Variants in LPGAT1 observed in about 807,000 individuals in gnomAD.
LPGAT1 encodes lysophosphatidylglycerol acyltransferase 1.
Under a neutral mutation model 47.5 loss-of-function variants are expected in LPGAT1, and 11 were observed. The observed-to-expected ratio is 0.23, with a 90% CI of 0.15 to 0.38. The LOEUF (loss-of-function observed/expected upper bound fraction) is 0.38. Among genes scored for constraint, LPGAT1 ranks in the 10% least tolerant of loss-of-function variants. The probability of loss-of-function intolerance (pLI) is 1.00; values close to 1 mark genes in which losing one functional copy is unlikely to be tolerated. For synonymous variants in LPGAT1, 138 were observed against 144.2 expected (o/e 0.96, Z 0.31); for missense variants, 293 against 439.0 (o/e 0.67, Z 2.97).
rs1187263645 is a variant in LPGAT1, at chr1:211,827,943, AG to A, written c.238+1115del. Among the ~76,000 whole-genome samples the A allele has an allele frequency of 3.0e-4, 45 of 152,360 alleles. 1 individual carries two copies. Among genetic ancestry groups the A allele is most frequent in the Admixed American group, 2.9e-3 (45 of 15,312 alleles). On this transcript the variant is annotated intron_variant, in intron 2 of 7. Coordinates refer to ENST00000366997, the MANE Select transcript of LPGAT1 (RefSeq NM_014873.3). ...GAAAAGGCTTCATCTGGGGCAACTG[AG>A]AATACTCAGACATAGCAAGGGTCTG... is the stretch of plus-strand genomic sequence containing the variant.
chr1:211,829,541 G>C (rs989680012), intron 1 of LPGAT1: 5 of 1,396,240 alleles, frequency 3.6e-6, no homozygotes, highest in Non-Finnish European at 3.7e-6. Flanking sequence ...ACCGAGGCAC[G>C]AAGTATGTCA....
In LPGAT1 at chr1:211,791,774, CA is replaced by C. The variant is rs78791498; in HGVS notation, c.357+1297del. Among the ~76,000 whole-genome samples the C allele has an allele frequency of 5.3e-3, 649 of 121,728 alleles. 11 individuals are homozygous for C. The highest frequency in any genetic ancestry group is 0.015 in the African/African-American group (522 of 34,862). The allele number at this position is 121,728 out of a possible 152,430, so 79.9% of individuals were successfully genotyped here. ...AAAAAAAAAAAAAAAAACAAACAAA[CA>C]AAAAAAAAAAACAAAAAAAAACATT... On this transcript the variant is annotated intron_variant, in intron 3 of 7. Transcript: ENST00000366997.
At chr1:211,812,698 A>G (rs1403810119) in intron 2 of LPGAT1, among the ~76,000 whole-genome samples, 1 of 152,220 alleles carries the variant, frequency 6.6e-6, no homozygotes, top group African/African-American at 2.4e-5. Context: ...TGAACCTTAA[A>G]TCCAACGACT....
intron 3 of LPGAT1, among the ~76,000 whole-genome samples, chr1:211,790,531 G>T (rs1423978444): frequency 2.6e-5 from 4 of 152,080 alleles, no homozygotes; most frequent in African/African-American, 9.7e-5. Flanking sequence ...AGGCAGCAGG[G>T]AAAGATTATA....
Position 211,807,248 on chromosome 1 carries a change from G to A in LPGAT1, c.239-14058C>T, listed in dbSNP as rs1002263847. On this transcript the variant is annotated intron_variant, in intron 2 of 7. Coordinates refer to ENST00000366997, the MANE Select transcript of LPGAT1 (RefSeq NM_014873.3). ...ATCTATATACTCAAAACTACCAAAC[G>A]CTGAGAAAGAAATCAAAAAAGCTCA... Among the ~76,000 whole-genome samples the A allele has an allele frequency of 4.9e-4, 74 of 151,914 alleles. 1 individual carries two copies. The highest frequency in any genetic ancestry group is 1.6e-3 in the African/African-American group (68 of 41,344).
chr1:211,751,921 T>C (rs559469461), intron 6 of LPGAT1, among the ~76,000 whole-genome samples: 4 of 152,300 alleles, frequency 2.6e-5, no homozygotes, highest in African/African-American at 9.6e-5. Context: ...TTTATCACCA[T>C]GTTTCTTCTG....
chr1:211,750,015 C>T lies in LPGAT1; in HGVS notation c.997G>A (p.Val333Ile). ...FPPSKGHKEA[V>I]SREMTLSNLW... ...TTGCTGAGGGTCATCTCCCTGGAAA[C>T]AGCTTCCTTATGGCCCTTGGAAGGT... The change falls in exon 8 of 8, where the codon GTT becomes ATT. Residue 333 changes from valine (V) to isoleucine (I), a missense_variant. Val to Ile is a conservative substitution (Grantham distance 29). Coordinates refer to ENST00000366997, the MANE Select transcript of LPGAT1 (RefSeq NM_014873.3). 6.2e-7 allele frequency: 1 copy of T among 1,614,098 alleles called. No individual in the cohort carries two copies. Among genetic ancestry groups the T allele is most frequent in the Non-Finnish European group, 8.5e-7 (1 of 1,179,982 alleles).
At chr1:211,761,449 G>GA (rs888950265) in intron 6 of LPGAT1, among the ~76,000 whole-genome samples, 50 of 151,358 alleles carry the variant, frequency 3.3e-4, no homozygotes, top group South Asian at 4.2e-4. Context: ...GGGATTACAA[G>GA]AAAAAAAAAT....
intron 2 of LPGAT1, among the ~76,000 whole-genome samples, chr1:211,825,941 C>A (rs958974145): frequency 2.0e-5 from 3 of 151,250 alleles, no homozygotes; most frequent in Admixed American, 6.6e-5. Context: ...GCCTGGGCAA[C>A]AGAGCAAGAC....
chr1:211,787,764 A>G (rs1658946007), intron 3 of LPGAT1, 37 bp from the exon 4 acceptor site: 3 of 1,327,810 alleles, frequency 2.3e-6, no homozygotes, highest in African/African-American at 1.5e-5. Flanking sequence ...TATTGGATAG[A>G]AGAAACCTGA....
chr1:211,773,963 G>C (rs929144243), intron 6 of LPGAT1, among the ~76,000 whole-genome samples: 1 of 151,996 alleles, frequency 6.6e-6, no homozygotes. Context: ...ATATTGGTAA[G>C]AAATGAATTT....
intron 6 of LPGAT1, among the ~76,000 whole-genome samples, chr1:211,760,728 C>T (rs745567949): frequency 5.9e-5 from 9 of 152,142 alleles, no homozygotes; most frequent in Non-Finnish European, 1.0e-4. Context: ...GGGCAGACTC[C>T]GAGCAGAATA....
chr1:211,772,494 T>G (rs911975855), intron 6 of LPGAT1, among the ~76,000 whole-genome samples: 1 of 152,182 alleles, frequency 6.6e-6, no homozygotes, highest in African/African-American at 2.4e-5. Context: ...TACGTTAAAT[T>G]TATAGGTTAA....
chr1:211,803,787 G>C (rs192165080), intron 2 of LPGAT1, among the ~76,000 whole-genome samples: 9 of 138,534 alleles, frequency 6.5e-5, no homozygotes, highest in African/African-American at 2.4e-4. Context: ...TTTTGACACA[G>C]TCTTGCTCTG....
intron 6 of LPGAT1, among the ~76,000 whole-genome samples, chr1:211,756,146 G>T (rs1657439267): frequency 6.6e-6 from 1 of 152,118 alleles, no homozygotes; most frequent in South Asian, 2.1e-4. Context: ...TGAGGCAGGA[G>T]AATTGCTTGA....
intron 5 of LPGAT1, among the ~76,000 whole-genome samples, 188 bp downstream of exon 5, chr1:211,783,037 ATTAT>A (rs1225421281): frequency 6.6e-6 from 1 of 152,206 alleles, no homozygotes; most frequent in African/African-American, 2.4e-5. Context: ...GCATTTCTGT[ATTAT>A]TTGAGTAAAT....
At chr1:211,790,863 C>A (rs796472369) in intron 3 of LPGAT1, among the ~76,000 whole-genome samples, 1 of 152,062 alleles carries the variant, frequency 6.6e-6, no homozygotes, top group South Asian at 2.1e-4. Flanking sequence ...ATTTTAATCA[C>A]GAGTTTCAAA....
intron 2 of LPGAT1, among the ~76,000 whole-genome samples, chr1:211,821,614 G>C (rs1660371443): frequency 6.6e-6 from 1 of 152,162 alleles, no homozygotes; most frequent in Non-Finnish European, 1.5e-5. Context: ...TAAAGCTCAA[G>C]TAGTAGAAGC....
chr1:211,814,770 C>A (rs1047685120), intron 2 of LPGAT1, among the ~76,000 whole-genome samples: 3 of 152,194 alleles, frequency 2.0e-5, no homozygotes, highest in East Asian at 1.9e-4. Context: ...TCTGGAAAAT[C>A]ATACATTCTT....
Sources: gnomAD v4.1 joint callset for allele counts (sites outside exome capture counted in the v4.1 genomes callset) on GRCh38, gnomAD v4.1.1 for gene constraint, MANE v1.5 for transcripts, NCBI Gene and HGNC (gene_info 2026-07-23, HGNC 2026-07-21) for gene names.